The following EPB41L2 variants were observed in gnomAD, a reference collection of about 807,000 sequenced individuals.
EPB41L2 encodes band 4.1-like protein 2.
Under a neutral mutation model 113.0 loss-of-function variants are expected in EPB41L2, and 43 were observed. That is an observed-to-expected ratio of 0.38 (90% CI 0.30 to 0.49). The LOEUF (loss-of-function observed/expected upper bound fraction) is 0.49, where lower values mean the gene tolerates loss of function less well. Among genes scored for constraint, EPB41L2 ranks in the 20% least tolerant of loss-of-function variants. The pLI is 0.95. For missense variants in EPB41L2, 1,147 were observed against 1,223.4 expected (o/e 0.94, Z 0.93); for synonymous variants, 442 against 436.7 (o/e 1.01, Z -0.15).
At chr6:130,889,857 T>C (rs1323731090) in intron 11 of EPB41L2, among the ~76,000 whole-genome samples, 1 of 152,156 alleles carries the variant, frequency 6.6e-6, no homozygotes, top group Non-Finnish European at 1.5e-5. Flanking sequence ...TCTGAAATGT[T>C]AGGGACCAGA....
intron 3 of EPB41L2, among the ~76,000 whole-genome samples, chr6:130,930,647 T>C (rs924358575): frequency 5.9e-5 from 9 of 152,102 alleles, no homozygotes; most frequent in Admixed American, 4.6e-4. Context: ...AGATTAGATA[T>C]GCCCAGCTGC....
In EPB41L2 at chr6:130,878,501, T is replaced by C. The variant is rs532937739; in HGVS notation, c.1897-251A>G. The C allele has an allele frequency of 1.7e-4, 63 of 365,738 alleles. No individual in the cohort carries two copies. In the South Asian group the frequency reaches 2.6e-3, roughly 15 times the overall value. The allele number at this position is 365,738 out of a possible 1,614,324, so 22.7% of individuals were successfully genotyped here. ...TACATTTTAAAGGGTTCTGATTTCT[T>C]CTCTATTTAGGATTTTTAAAGGAAT... On this transcript the variant is annotated intron_variant, in intron 13 of 19. Coordinates refer to ENST00000337057, the MANE Select transcript of EPB41L2 (RefSeq NM_001431.4).
At chr6:130,919,563 A>G (rs1717908978) in intron 4 of EPB41L2, among the ~76,000 whole-genome samples, 1 of 152,136 alleles carries the variant, frequency 6.6e-6, no homozygotes, top group Admixed American at 6.5e-5. Flanking sequence ...CCTTTGCCCC[A>G]GCCACGTTCT....
chr6:130,910,466 G>A (rs1020695563), intron 4 of EPB41L2, among the ~76,000 whole-genome samples: 3 of 152,130 alleles, frequency 2.0e-5, no homozygotes, highest in African/African-American at 2.4e-5. Flanking sequence ...CATAGGCATG[G>A]GCAAAGCCTT....
At chr6:130,851,148 T>G (rs1468949440) in intron 19 of EPB41L2, among the ~76,000 whole-genome samples, 7 of 152,168 alleles carry the variant, frequency 4.6e-5, no homozygotes, top group African/African-American at 1.4e-4. Context: ...ACTGAAATAG[T>G]CATCTGGAAG....
At position 130,999,439 on chromosome 6, in the gene EPB41L2, C is replaced by T. The variant is rs573278654; in HGVS notation, c.-14-42940G>A. Among the ~76,000 whole-genome samples the T allele has an allele frequency of 2.0e-5, 3 of 152,324 alleles. No homozygotes were observed. In the East Asian group the frequency reaches 5.8e-4, roughly 29 times the overall value. On this transcript the variant is annotated intron_variant, in intron 1 of 19. Transcript: ENST00000337057. The stretch of plus-strand genomic sequence containing the variant: ...CTTTTCTATTATCCAAGATAACCAT[C>T]TTAATGATTCAATAAAGTTATTGTA...
In EPB41L2 at chr6:130,992,580, G is replaced by A. The variant is rs145625167; in HGVS notation, c.-14-36081C>T. Among the ~76,000 whole-genome samples the A allele has an allele frequency of 3.0e-4, 45 of 151,810 alleles. No homozygotes were observed. The East Asian group carries it at 7.7e-3, about 26-fold the overall frequency. The stretch of plus-strand genomic sequence containing the variant: ...CATCCTTTCCTCTCTATGGGGACTC[G>A]CTTTGTTGTCCTTTCTCTGTATGTA... On this transcript the variant is annotated intron_variant, in intron 1 of 19. Transcript: ENST00000337057.
At chr6:131,021,712 C>T (rs1450868708) in intron 1 of EPB41L2, among the ~76,000 whole-genome samples, 6 of 152,052 alleles carry the variant, frequency 3.9e-5, no homozygotes, top group Admixed American at 1.3e-4. Flanking sequence ...TTAGCTAACA[C>T]TTCCCATGCA....
In EPB41L2 at chr6:130,936,570, C is replaced by T. The variant is rs933711290; in HGVS notation, c.706-9861G>A. 8.2e-5 allele frequency among the ~76,000 whole-genome samples: 8 copies of T among 97,558 alleles called. No homozygotes were observed. The South Asian group carries it at 2.8e-3, about 34-fold the overall frequency. The allele number at this position is 97,558 out of a possible 152,430, so 64.0% of individuals were successfully genotyped here. The stretch of plus-strand genomic sequence containing the variant: ...TAAGTGGCATACGTTTACATTAAGG[C>T]CCTTCTAAGCCAAATAGTGATAAAA... On this transcript the variant is annotated intron_variant, in intron 3 of 19. Transcript: ENST00000337057.
At chr6:130,995,340 A>G (rs1030098237) in intron 1 of EPB41L2, among the ~76,000 whole-genome samples, 11 of 151,844 alleles carry the variant, frequency 7.2e-5, no homozygotes, top group African/African-American at 2.7e-4. Context: ...GTCTCAAAAA[A>G]ACAAACAAAA....
At chr6:130,918,815 A>C (rs1801948573) in intron 4 of EPB41L2, among the ~76,000 whole-genome samples, 1 of 152,216 alleles carries the variant, frequency 6.6e-6, no homozygotes. Flanking sequence ...CGGCATGGAA[A>C]GGAAAGATCC....
Position 130,894,427 on chromosome 6 carries a change from C to T in EPB41L2, c.1404G>A (p.Glu468=). 6.2e-7 allele frequency: 1 copy of T among 1,613,850 alleles called. No individual in the cohort carries two copies. The highest frequency in any genetic ancestry group is 8.5e-7 in the Non-Finnish European group (1 of 1,179,794). ...TTGGCAGTTTGAATCCAATGGTACTCTCAAACTGTTCCAGCTGGAATAAAT... is the reference window on the plus strand; with the variant it reads ...TTGGCAGTTTGAATCCAATGGTACTTTCAAACTGTTCCAGCTGGAATAAAT... ...KVRPAELEQF[E]STIGFKLPNH... Residue 468 remains glutamate, a synonymous_variant, in exon 10 of 20, where the codon GAG becomes GAA. Coordinates refer to ENST00000337057, the MANE Select transcript of EPB41L2 (RefSeq NM_001431.4).
chr6:130,916,941 T>C (rs2128529464), intron 4 of EPB41L2, among the ~76,000 whole-genome samples: 1 of 152,238 alleles, frequency 6.6e-6, no homozygotes, highest in East Asian at 1.9e-4. Context: ...CCTACTGGCT[T>C]GTCAGCCTTC....
intron 3 of EPB41L2, among the ~76,000 whole-genome samples, chr6:130,954,552 T>C (rs1816743548): frequency 6.6e-6 from 1 of 152,228 alleles, no homozygotes; most frequent in South Asian, 2.1e-4. Context: ...ATACGTTACG[T>C]AAATAATTTG....
chr6:130,846,998 A>C lies in EPB41L2; in HGVS notation c.*6-6400T>G, dbSNP rs1030612478. On this transcript the variant is annotated intron_variant, in intron 19 of 19. Transcript: ENST00000337057. ...GATTTCTTTACAGGGTACTTCATCTAATCTAGAAGCTTTTCAGTCAATCAT... is the reference window on the plus strand; with the variant it reads ...GATTTCTTTACAGGGTACTTCATCTCATCTAGAAGCTTTTCAGTCAATCAT... 7.2e-5 allele frequency among the ~76,000 whole-genome samples: 11 copies of C among 152,158 alleles called. No homozygotes were observed. The South Asian group carries it at 2.1e-3, about 29-fold the overall frequency.
chr6:130,872,342 A>T, intron 14 of EPB41L2: 2 of 1,266,048 alleles, frequency 1.6e-6, no homozygotes, highest in Non-Finnish European at 2.0e-6. Flanking sequence ...TGTGGCTTTT[A>T]GTAACAGGGG....
At chr6:131,009,180 C>T (rs1022064563) in intron 1 of EPB41L2, among the ~76,000 whole-genome samples, 4 of 152,094 alleles carry the variant, frequency 2.6e-5, no homozygotes, top group Non-Finnish European at 4.4e-5. Context: ...AGGGGCAGTT[C>T]CCCAAGCTGT....
intron 1 of EPB41L2, among the ~76,000 whole-genome samples, chr6:131,006,710 T>A (rs996654211): frequency 6.6e-6 from 1 of 151,936 alleles, no homozygotes; most frequent in Non-Finnish European, 1.5e-5. Flanking sequence ...TGAGTTAGAT[T>A]TTTTAGCATT....
intron 1 of EPB41L2, among the ~76,000 whole-genome samples, chr6:131,031,930 T>A (rs944245562): frequency 6.6e-6 from 1 of 152,164 alleles, no homozygotes; most frequent in Non-Finnish European, 1.5e-5. Flanking sequence ...TAGCTACACT[T>A]ACTCCAAAGT....
Sources: gnomAD v4.1 joint callset for allele counts (sites outside exome capture counted in the v4.1 genomes callset) on GRCh38, gnomAD v4.1.1 for gene constraint, MANE v1.5 for transcripts, NCBI Gene and HGNC (gene_info 2026-07-23, HGNC 2026-07-21) for gene names.